Variants in ZNF189 observed in about 807,000 individuals in gnomAD.
ZNF189 encodes the protein zinc finger protein 189.
In ZNF189, 33 loss-of-function variants were observed where a neutral mutation model predicts 53.5. The observed-to-expected ratio is 0.62, with a 90% CI of 0.47 to 0.82. The LOEUF is 0.82. Among genes scored for constraint, ZNF189 ranks in the 40% least tolerant of loss-of-function variants. The probability of loss-of-function intolerance (pLI) is 0.00; values close to 1 mark genes in which losing one functional copy is unlikely to be tolerated. For missense variants in ZNF189, 711 were observed against 753.9 expected, an observed-to-expected ratio of 0.94 and a Z score of 0.67; for synonymous variants, 247 against 238.8, an observed-to-expected ratio of 1.03 and a Z score of -0.32.
chr9:101,408,832 G>A lies in ZNF189; in HGVS notation c.1064G>A (p.Arg355Gln), dbSNP rs1384779532. The A allele has an allele frequency of 2.5e-5, 40 of 1,613,938 alleles. No individual in the cohort carries two copies. The highest frequency in any genetic ancestry group is 3.1e-5 in the Non-Finnish European group (37 of 1,180,014). ...LCIECGKSFS[R>Q]SSFLIEHQRI... ...ATTGAGTGTGGAAAAAGTTTCAGTC[G>A]GAGCTCATTCCTTATTGAACATCAG... The change falls in exon 3 of 3, where the codon CGG becomes CAG. Residue 355 changes from arginine to glutamine, a missense_variant. By Grantham distance (43) the Arg-to-Gln change is conservative (BLOSUM62 1). Coordinates refer to ENST00000339664, the MANE Select transcript of ZNF189 (RefSeq NM_003452.4).
In ZNF189 at chr9:101,409,827, C is replaced by A. The variant is rs1830874973; in HGVS notation, c.*178C>A. On this transcript the variant is annotated 3_prime_UTR_variant, in exon 3 of 3. Transcript: ENST00000339664. The stretch of plus-strand genomic sequence containing the variant: ...GCCCATGAGCATTTGACTTCCCTTA[C>A]TCTTTGATGATCGTAGAGAAAGACT... The A allele has an allele frequency of 3.2e-6, 2 of 627,998 alleles. No homozygotes were observed. The highest frequency in any genetic ancestry group is 3.4e-5 in the Admixed American group (1 of 29,046). The allele number at this position is 627,998 out of a possible 1,614,324, so 38.9% of individuals were successfully genotyped here.
Position 101,399,050 on chromosome 9 carries a change from G to GAA in ZNF189, c.-106_-105insAA. 1 of 826,906 alleles carries GAA rather than the reference G, an allele frequency of 1.2e-6. No individual in the cohort carries two copies. The highest frequency in any genetic ancestry group is 2.1e-6 in the Non-Finnish European group (1 of 480,454). The allele number at this position is 826,906 out of a possible 1,614,324, so 51.2% of individuals were successfully genotyped here. Reference sequence around the variant, plus strand: ...CAGGCACTGGCCAGACCCAGCCAGGGATCCTCGTATTCGTCGAGCCTAATT... The same window carrying GAA: ...CAGGCACTGGCCAGACCCAGCCAGGGAAATCCTCGTATTCGTCGAGCCTAATT... On this transcript the variant is annotated 5_prime_UTR_variant, in exon 1 of 3. Coordinates refer to ENST00000339664, the MANE Select transcript of ZNF189 (RefSeq NM_003452.4).
chr9:101,399,925 G>A lies in ZNF189; in HGVS notation c.75G>A (p.Gln25=). The A allele has an allele frequency of 6.2e-7, 1 of 1,614,118 alleles. No individual in the cohort carries two copies. Among genetic ancestry groups the A allele is most frequent in the African/African-American group, 1.3e-5 (1 of 75,022 alleles). ...AGGATGTGGCTGTGTTTTTTACCCA[G>A]GAGGAGTGGGATTATCTGGACCCAG... ...TFEDVAVFFT[Q]EEWDYLDPAQ... The change falls in exon 2 of 3, where the codon CAG becomes CAA. Residue 25 remains glutamine (Q), a synonymous_variant. Transcript: ENST00000339664.
chr9:101,408,352 A>G lies in ZNF189; in HGVS notation c.584A>G (p.Gln195Arg). ...FSRSSFVIEHQRIHTGERPYE... is the reference protein window; with the variant it reads ...FSRSSFVIEHRRIHTGERPYE... ...CGCAGTTCATTTGTTATTGAACATC[A>G]GAGAATTCACACTGGGGAAAGGCCC... is the stretch of plus-strand genomic sequence containing the variant. Residue 195 changes from glutamine (Q) to arginine (R), a missense_variant, in exon 3 of 3, where the codon CAG becomes CGG. Gln to Arg is a conservative substitution (Grantham distance 43, BLOSUM62 1). Transcript: ENST00000339664. 2 of 1,614,170 alleles carry G rather than the reference A, an allele frequency of 1.2e-6. No individual in the cohort carries two copies. The highest frequency in any genetic ancestry group is 1.3e-5 in the African/African-American group (1 of 75,076).
rs541357356 is a variant in ZNF189 at position 101,406,551 on chromosome 9, AC to A, written c.161-1377del. On this transcript the variant is annotated intron_variant, in intron 2 of 2. Coordinates refer to ENST00000339664, the MANE Select transcript of ZNF189 (RefSeq NM_003452.4). ...CCCACTGAAAAATTTGAGAGGGGAC[AC>A]TAAAAAGCCTTAGAAGAAATAAAAT... Among the ~76,000 whole-genome samples, 279 of 152,324 alleles carry A rather than the reference AC, an allele frequency of 1.8e-3. 1 individual carries two copies. Among genetic ancestry groups the A allele is most frequent in the Non-Finnish European group, 3.3e-3 (224 of 68,020 alleles).
intron 2 of ZNF189, among the ~76,000 whole-genome samples, chr9:101,406,860 T>G (rs950794840): frequency 3.9e-5 from 6 of 152,216 alleles, no homozygotes; most frequent in Non-Finnish European, 1.5e-5. Flanking sequence ...CTGTGCTGTC[T>G]TTTCTTCAAC....
intron 2 of ZNF189, among the ~76,000 whole-genome samples, chr9:101,404,541 G>A (rs1830643622): frequency 6.6e-6 from 1 of 151,918 alleles, no homozygotes; most frequent in Admixed American, 6.6e-5. Flanking sequence ...TTATTCCTAG[G>A]TTTTATGTTT....
At chr9:101,399,834 A>T in intron 1 of ZNF189, 50 bp from the exon 2 acceptor site, 2 of 1,611,932 alleles carry the variant, frequency 1.2e-6, no homozygotes, top group Non-Finnish European at 1.7e-6. Context: ...TTAGTGGTAG[A>T]ATTGTCCTTG....
chr9:101,409,060 A>G lies in ZNF189; in HGVS notation c.1292A>G (p.Asn431Ser), dbSNP rs1426511750. Reference protein sequence around the residue: ...IHTREKTYPYNETKESFDPNC... With the variant: ...IHTREKTYPYSETKESFDPNC... ...ACCAGGGAGAAGACTTATCCATACAATGAAACTAAGGAAAGTTTTGATCCA... is the reference window on the plus strand; with the variant it reads ...ACCAGGGAGAAGACTTATCCATACAGTGAAACTAAGGAAAGTTTTGATCCA... The change falls in exon 3 of 3, where the codon AAT becomes AGT. Residue 431 changes from asparagine to serine, a missense_variant. Physicochemically the swap from Asn to Ser is conservative, Grantham distance 46 (BLOSUM62 1). Coordinates refer to ENST00000339664, the MANE Select transcript of ZNF189 (RefSeq NM_003452.4). The G allele has an allele frequency of 6.2e-7, 1 of 1,614,092 alleles. No homozygotes were observed. Among genetic ancestry groups the G allele is most frequent in the Non-Finnish European group, 8.5e-7 (1 of 1,180,014 alleles).
In ZNF189 at chr9:101,408,397, G is replaced by A; in HGVS notation, c.629G>A (p.Gly210Glu). 6.2e-7 allele frequency: 1 copy of A among 1,613,972 alleles called. No individual in the cohort carries two copies. Among genetic ancestry groups the A allele is most frequent in the Non-Finnish European group, 8.5e-7 (1 of 1,180,000 alleles). ...AGGCCCTATGAGTGTAATTACTGTGGAAAAACCTTTAGTGTGAGCTCAACC... is the reference window on the plus strand; with the variant it reads ...AGGCCCTATGAGTGTAATTACTGTGAAAAAACCTTTAGTGTGAGCTCAACC... ...GERPYECNYC[G>E]KTFSVSSTLI... The change falls in exon 3 of 3, where the codon GGA becomes GAA. Residue 210 changes from glycine to glutamate, a missense_variant. Gly to Glu is a moderately conservative substitution (Grantham distance 98). Coordinates refer to ENST00000339664, the MANE Select transcript of ZNF189 (RefSeq NM_003452.4).
rs759215486 is a variant in ZNF189, at chr9:101,400,013, A to G, written c.160+3A>G. The G allele has an allele frequency of 6.2e-7, 1 of 1,612,952 alleles. No homozygotes were observed. Among genetic ancestry groups the G allele is most frequent in the Non-Finnish European group, 8.5e-7 (1 of 1,179,686 alleles). On this transcript the variant is annotated splice_donor_region_variant and intron_variant, in intron 2 of 2. Coordinates refer to ENST00000339664, the MANE Select transcript of ZNF189 (RefSeq NM_003452.4). ...TTATGGAAACCTGGTCTCACTGGGTAAGAATCTGCTGTTTCTCTAATTAAA... is the reference window on the plus strand; with the variant it reads ...TTATGGAAACCTGGTCTCACTGGGTGAGAATCTGCTGTTTCTCTAATTAAA...
chr9:101,399,434 C>G, intron 1 of ZNF189: 1 of 1,355,384 alleles, frequency 7.4e-7, no homozygotes. Flanking sequence ...AAGTAATGCT[C>G]CAGACTAGCT....
At position 101,409,227 on chromosome 9, in the gene ZNF189, A is replaced by G. The variant is rs755204682; in HGVS notation, c.1459A>G (p.Thr487Ala). ...IHTGEKPYLC[T>A]VCGKSFSRSS... The stretch of plus-strand genomic sequence containing the variant: ...CACTGGTGAAAAGCCCTATCTATGT[A>G]CTGTCTGTGGGAAAAGCTTCAGCCG... The change falls in exon 3 of 3, where the codon ACT becomes GCT. Residue 487 changes from threonine (T) to alanine (A), a missense_variant. Transcript: ENST00000339664. The G allele has an allele frequency of 2.5e-6, 4 of 1,613,398 alleles. No homozygotes were observed. Among genetic ancestry groups the G allele is most frequent in the East Asian group, 4.5e-5 (2 of 44,886 alleles).
chr9:101,409,048 C>T lies in ZNF189; in HGVS notation c.1280C>T (p.Thr427Ile), dbSNP rs1032059163. The T allele has an allele frequency of 1.2e-6, 2 of 1,613,960 alleles. No individual in the cohort carries two copies. Among genetic ancestry groups the T allele is most frequent in the African/African-American group, 2.7e-5 (2 of 74,910 alleles). ...QHQRIHTREK[T>I]YPYNETKESF... Reference sequence around the variant, plus strand: ...CAGAGAATTCACACCAGGGAGAAGACTTATCCATACAATGAAACTAAGGAA... The same window carrying T: ...CAGAGAATTCACACCAGGGAGAAGATTTATCCATACAATGAAACTAAGGAA... The change falls in exon 3 of 3, where the codon ACT (threonine) becomes ATT (isoleucine). Residue 427 changes from threonine (T) to isoleucine (I), a missense_variant. Transcript: ENST00000339664.
intron 2 of ZNF189, among the ~76,000 whole-genome samples, chr9:101,403,273 C>T (rs1213028557): frequency 6.6e-6 from 1 of 152,148 alleles, no homozygotes; most frequent in African/African-American, 2.4e-5. Context: ...ACAGTGTGCC[C>T]ACAGATGATC....
chr9:101,399,266 A>G, intron 1 of ZNF189, 77 bp downstream of exon 1: 3 of 1,393,824 alleles, frequency 2.2e-6, no homozygotes, highest in Non-Finnish European at 2.9e-6. Flanking sequence ...TTTCTCCCCC[A>G]GGCCCCCCAC....
intron 2 of ZNF189, among the ~76,000 whole-genome samples, chr9:101,404,897 G>A (rs1016714576): frequency 6.6e-6 from 1 of 152,168 alleles, no homozygotes; most frequent in African/African-American, 2.4e-5. Context: ...TCGAGGGCTG[G>A]TAATAAAAAA....
At position 101,407,968 on chromosome 9, in the gene ZNF189, A is replaced by C; in HGVS notation, c.200A>C (p.Lys67Thr). Residue 67 changes from lysine (K) to threonine (T), a missense_variant, in exon 3 of 3, where the codon AAA becomes ACA. Physicochemically the swap from Lys to Thr is moderately conservative, Grantham distance 78. Transcript: ENST00000339664. ...NRDKDEEPTV[K>T]QEIEEIEEEV... is the part of the protein sequence containing the mutation. The stretch of plus-strand genomic sequence containing the variant: ...GATAAGGATGAGGAGCCAACTGTAA[A>C]ACAAGAGATTGAAGAAATTGAGGAA... 6.3e-7 allele frequency: 1 copy of C among 1,597,708 alleles called. No individual in the cohort carries two copies. Among genetic ancestry groups the C allele is most frequent in the African/African-American group, 1.4e-5 (1 of 73,934 alleles).
intron 2 of ZNF189, among the ~76,000 whole-genome samples, chr9:101,405,997 G>A (rs566823196): frequency 1.3e-5 from 2 of 151,734 alleles, no homozygotes; most frequent in African/African-American, 4.8e-5. Flanking sequence ...CCCGCGAGGT[G>A]GAGGTTGTAG....
Sources: gnomAD v4.1 joint callset for allele counts (sites outside exome capture counted in the v4.1 genomes callset) on GRCh38, gnomAD v4.1.1 for gene constraint, MANE v1.5 for transcripts, NCBI Gene and HGNC (gene_info 2026-07-23, HGNC 2026-07-21) for gene names.